The following FLRT2 variants were observed in gnomAD, a reference collection of about 807,000 sequenced individuals.
FLRT2 encodes leucine-rich repeat transmembrane protein FLRT2.
A neutral mutation model predicts 40.0 loss-of-function variants in FLRT2; 15 were observed. The ratio of observed to expected loss-of-function variants is 0.38; its 90% CI spans 0.25 to 0.58. The LOEUF (loss-of-function observed/expected upper bound fraction) is 0.58, where lower values mean the gene tolerates loss of function less well. Among genes scored for constraint, FLRT2 ranks in the 20% least tolerant of loss-of-function variants. The pLI, the probability that FLRT2 is intolerant of heterozygous loss-of-function variation, is 0.71. For missense variants in FLRT2, 726 were observed against 840.0 expected (o/e 0.86, Z 1.68); for synonymous variants, 380 against 336.8 (o/e 1.13, Z -1.41).
chr14:85,623,532 T>G lies in FLRT2; in HGVS notation c.*35T>G, dbSNP rs568293697. 3 of 1,404,670 alleles carry G rather than the reference T, an allele frequency of 2.1e-6. No individual in the cohort carries two copies. The highest frequency in any genetic ancestry group is 2.8e-6 in the Non-Finnish European group (3 of 1,074,688). 87.0% of individuals were successfully genotyped at this position (1,404,670 alleles called of 1,614,324 possible). A position where few individuals can be genotyped will look rare whatever the true frequency, so the allele number is the denominator to read the frequency against. On this transcript the variant is annotated 3_prime_UTR_variant, in exon 2 of 2. Coordinates refer to ENST00000330753, the MANE Select transcript of FLRT2 (RefSeq NM_013231.6). Reference sequence around the variant, plus strand: ...GCCCAGCGTTATCAAGGCGGACAATTAGACTCTTGAGAACACACTCGTGTG... The same window carrying G: ...GCCCAGCGTTATCAAGGCGGACAATGAGACTCTTGAGAACACACTCGTGTG...
At chr14:85,563,935 G>A (rs555567444) in intron 1 of FLRT2, among the ~76,000 whole-genome samples, 5 of 152,268 alleles carry the variant, frequency 3.3e-5, no homozygotes, top group Admixed American at 3.3e-4. Flanking sequence ...CTAAATTCCA[G>A]GGAAGACATG....
intron 1 of FLRT2, among the ~76,000 whole-genome samples, chr14:85,616,670 C>T (rs1301103019): frequency 6.6e-6 from 1 of 152,144 alleles, no homozygotes; most frequent in Admixed American, 6.5e-5. Context: ...CAGTGTTTTT[C>T]CTGATACCTC....
chr14:85,639,835 T>C lies in FLRT2; in HGVS notation c.*16338T>C, dbSNP rs1031956595. 2.6e-5 allele frequency: 3 copies of C among 116,328 alleles called. No individual in the cohort carries two copies. The highest frequency in any genetic ancestry group is 9.5e-5 in the African/African-American group (3 of 31,682). 7.2% of individuals were successfully genotyped at this position (116,328 alleles called of 1,614,324 possible). ...TGGTGCTTCACTAGCAGAAATTCTTTATTTTTTTTTTTTTCCTTTTTTTTT... is the reference window on the plus strand; with the variant it reads ...TGGTGCTTCACTAGCAGAAATTCTTCATTTTTTTTTTTTTCCTTTTTTTTT... On this transcript the variant is annotated 3_prime_UTR_variant, in exon 2 of 2. Transcript: ENST00000330753.
intron 1 of FLRT2, among the ~76,000 whole-genome samples, chr14:85,533,309 C>T (rs116457172): frequency 0.014 from 2,146 of 151,874 alleles, 33 homozygotes; most frequent in African/African-American, 0.04. Context: ...GGGGTGGGGG[C>T]CGCGGCGCCT....
intron 1 of FLRT2, among the ~76,000 whole-genome samples, chr14:85,547,013 C>T (rs1889316217): frequency 6.6e-6 from 1 of 152,146 alleles, no homozygotes; most frequent in Admixed American, 6.6e-5. Context: ...TTTTGATTAT[C>T]CTGGGGTCAT....
At chr14:85,598,237 G>T (rs1264778079) in intron 1 of FLRT2, among the ~76,000 whole-genome samples, 1 of 152,160 alleles carries the variant, frequency 6.6e-6, no homozygotes, top group Non-Finnish European at 1.5e-5. Context: ...TTTTGGATCG[G>T]AGTTGTTACA....
intron 1 of FLRT2, among the ~76,000 whole-genome samples, chr14:85,535,892 GTTTTTTTTTTTTT>G (rs71454768): frequency 5.9e-4 from 34 of 57,902 alleles, no homozygotes; most frequent in South Asian, 8.6e-4. Context: ...AAGGAATGCT[GTTTTTTTTTTTTT>G]TTTTTTTTTT....
chr14:85,608,651 G>A (rs1286269437), intron 1 of FLRT2, among the ~76,000 whole-genome samples: 10 of 152,156 alleles, frequency 6.6e-5, no homozygotes, highest in African/African-American at 2.4e-4. Context: ...AAGTCATAAT[G>A]TTTCTTAAAG....
intron 1 of FLRT2, among the ~76,000 whole-genome samples, chr14:85,570,704 C>T (rs1193510566): frequency 6.6e-6 from 1 of 151,802 alleles, no homozygotes; most frequent in Non-Finnish European, 1.5e-5. Context: ...GCCTCAGCCT[C>T]CCGAGTAGCT....
Position 85,644,385 on chromosome 14 carries a change from A to G in FLRT2, c.*20888A>G, listed in dbSNP as rs532024453. ...ACTTTCATTAACACGCCCCATGGAG[A>G]TATCATGAATTACTCTCAGGCCCTT... On this transcript the variant is annotated 3_prime_UTR_variant, in exon 2 of 2. Coordinates refer to ENST00000330753, the MANE Select transcript of FLRT2 (RefSeq NM_013231.6). 6.6e-6 allele frequency: 1 copy of G among 152,292 alleles called. No homozygotes were observed. The highest frequency in any genetic ancestry group is 2.4e-5 in the African/African-American group (1 of 41,560). The allele number at this position is 152,292 out of a possible 1,614,324, so 9.4% of individuals were successfully genotyped here.
chr14:85,544,856 C>T (rs1187547889), intron 1 of FLRT2, among the ~76,000 whole-genome samples: 1 of 152,158 alleles, frequency 6.6e-6, no homozygotes, highest in Admixed American at 6.5e-5. Context: ...TTTGCAAACA[C>T]ACATTAAACA....
chr14:85,623,063 T>C lies in FLRT2; in HGVS notation c.1549T>C (p.Ser517Pro). The change falls in exon 2 of 2, where the codon TCC becomes CCC. Residue 517 changes from serine (S) to proline (P), a missense_variant. Ser to Pro is a moderately conservative substitution (Grantham distance 74). Transcript: ENST00000330753. ...TTGTTCAGAGGCCACCACCCATGCC[T>C]CCTATCTGAACAACGGCAGCAACAC... is the stretch of plus-strand genomic sequence containing the variant. ...TICSEATTHA[S>P]YLNNGSNTAS... The C allele has an allele frequency of 1.2e-6, 2 of 1,614,090 alleles. No homozygotes were observed. The highest frequency in any genetic ancestry group is 1.7e-6 in the Non-Finnish European group (2 of 1,180,016).
chr14:85,583,844 T>A (rs1439113212), intron 1 of FLRT2, among the ~76,000 whole-genome samples: 1 of 151,868 alleles, frequency 6.6e-6, no homozygotes, highest in Non-Finnish European at 1.5e-5. Flanking sequence ...GAATAGGTGG[T>A]GGCTGAATGC....
intron 1 of FLRT2, among the ~76,000 whole-genome samples, chr14:85,566,478 C>T (rs1251175821): frequency 6.6e-6 from 1 of 151,672 alleles, no homozygotes; most frequent in African/African-American, 2.4e-5. Context: ...GATGCTCAGC[C>T]TGTAAGATAA....
rs1322873219 is a variant in FLRT2, at chr14:85,637,190, T to C, written c.*13693T>C. The C allele has an allele frequency of 2.0e-5, 3 of 152,128 alleles. No homozygotes were observed. Among genetic ancestry groups the C allele is most frequent in the Non-Finnish European group, 4.4e-5 (3 of 68,022 alleles). 9.4% of individuals were successfully genotyped at this position (152,128 alleles called of 1,614,324 possible). On this transcript the variant is annotated 3_prime_UTR_variant, in exon 2 of 2. Transcript: ENST00000330753. ...ATTTATAAACTATAAAAAATTTTCATCTAGACAAAGAAGTTATTAAAAGCA... is the reference window on the plus strand; with the variant it reads ...ATTTATAAACTATAAAAAATTTTCACCTAGACAAAGAAGTTATTAAAAGCA...
chr14:85,651,829 C>A lies in FLRT2; in HGVS notation c.*28332C>A, dbSNP rs1455578757. 1.3e-5 allele frequency: 2 copies of A among 151,976 alleles called. No individual in the cohort carries two copies. The highest frequency in any genetic ancestry group is 2.9e-5 in the Non-Finnish European group (2 of 67,950). The allele number at this position is 151,976 out of a possible 1,614,324, so 9.4% of individuals were successfully genotyped here. On this transcript the variant is annotated 3_prime_UTR_variant, in exon 2 of 2. Coordinates refer to ENST00000330753, the MANE Select transcript of FLRT2 (RefSeq NM_013231.6). ...TTTCTGTTGTTGGTTTCCTGAAAAT[C>A]TCAGCATGCATATTTGACTTAAATT...
intron 1 of FLRT2, among the ~76,000 whole-genome samples, chr14:85,620,205 C>T (rs1893317815): frequency 1.3e-5 from 2 of 152,040 alleles, no homozygotes; most frequent in African/African-American, 4.8e-5. Context: ...CTGTTCACTA[C>T]GTTTATACTA....
rs1305205792 is a variant in FLRT2 at position 85,638,945 on chromosome 14, A to G, written c.*15448A>G. The G allele has an allele frequency of 6.6e-6, 1 of 152,266 alleles. No homozygotes were observed. The highest frequency in any genetic ancestry group is 2.4e-5 in the African/African-American group (1 of 41,470). The allele number at this position is 152,266 out of a possible 1,614,324, so 9.4% of individuals were successfully genotyped here. A position where few individuals can be genotyped will look rare whatever the true frequency, so the allele number is the denominator to read the frequency against. ...GCAAACAAAAGTTAGCTAATAATCA[A>G]TTCTTTGAACGAAGCCCAGTGAAAC... On this transcript the variant is annotated 3_prime_UTR_variant, in exon 2 of 2. Coordinates refer to ENST00000330753, the MANE Select transcript of FLRT2 (RefSeq NM_013231.6).
rs970128334 is a variant in FLRT2, at chr14:85,605,390, A to G, written c.-376-15749A>G. Among the ~76,000 whole-genome samples, 5 of 152,318 alleles carry G rather than the reference A, an allele frequency of 3.3e-5. No individual in the cohort carries two copies. The South Asian group carries it at 1.0e-3, about 32-fold the overall frequency. On this transcript the variant is annotated intron_variant, in intron 1 of 1. Transcript: ENST00000330753. Reference sequence around the variant, plus strand: ...CTGATAGAACCATGATATACATTTGAAAACTTATATAGTGTACATGTTACC... The same window carrying G: ...CTGATAGAACCATGATATACATTTGGAAACTTATATAGTGTACATGTTACC...
Sources: gnomAD v4.1 joint callset for allele counts (sites outside exome capture counted in the v4.1 genomes callset) on GRCh38, gnomAD v4.1.1 for gene constraint, MANE v1.5 for transcripts, NCBI Gene and HGNC (gene_info 2026-07-23, HGNC 2026-07-21) for gene names.